The following ADA2 variants were observed in gnomAD, a reference collection of about 807,000 sequenced individuals.
The protein encoded by ADA2 is adenosine deaminase 2, also known as adenosine deaminase CECR1.
In ADA2, 29 loss-of-function variants were observed where a neutral mutation model predicts 44.2. The ratio of observed to expected loss-of-function variants is 0.66; its 90% CI spans 0.49 to 0.89. ADA2 has a LOEUF of 0.89. Ranked by LOEUF, ADA2 falls within the 40% of genes least tolerant of loss-of-function variation. ADA2 has a pLI of 0.00. For missense variants in ADA2, 637 were observed against 644.8 expected, an observed-to-expected ratio of 0.99 and a Z score of 0.13; for synonymous variants, 215 against 234.9, an observed-to-expected ratio of 0.92 and a Z score of 0.77.
chr22:17,206,133 G>A (rs1399335076), intron 3 of ADA2, among the ~76,000 whole-genome samples: 1 of 152,110 alleles, frequency 6.6e-6, no homozygotes, highest in Admixed American at 6.6e-5. Context: ...TGGTTTTATT[G>A]AGCATCAGAC....
chr22:17,197,128 G>A (rs1441410149), intron 4 of ADA2, among the ~76,000 whole-genome samples: 3 of 152,144 alleles, frequency 2.0e-5, no homozygotes, highest in Non-Finnish European at 2.9e-5. Flanking sequence ...AGCCAAGATC[G>A]CACCACTGCA....
chr22:17,182,029 A>C lies in ADA2; in HGVS notation c.1240-7T>G. 1 of 1,608,762 alleles carries C rather than the reference A, an allele frequency of 6.2e-7. No individual in the cohort carries two copies. The highest frequency in any genetic ancestry group is 2.2e-5 in the East Asian group (1 of 44,866). On this transcript the variant is annotated splice_polypyrimidine_tract_variant and splice_region_variant and intron_variant, in intron 8 of 9. Coordinates refer to ENST00000399837, the MANE Select transcript of ADA2 (RefSeq NM_001282225.2). ...CAGACACCAGTTTCAGCACCTGCGC[A>C]ATAGGAGGGAAGGGAGAAAGATGAA...
chr22:17,213,723 C>T (rs766999524), intron 1 of ADA2: 5 of 242,210 alleles, frequency 2.1e-5, no homozygotes, highest in African/African-American at 7.0e-5. Flanking sequence ...GCAGGAGAAG[C>T]GGCAATGGAA....
rs1428271129 is a variant in ADA2, at chr22:17,188,688, G to A, written c.973-241C>T. On this transcript the variant is annotated intron_variant, in intron 6 of 9. Coordinates refer to ENST00000399837, the MANE Select transcript of ADA2 (RefSeq NM_001282225.2). ...AAGTCAGGAGATCGAGACCATCCTG[G>A]CTAACACAGTGAAACCCCATCTCTA... 2.1e-5 allele frequency: 6 copies of A among 290,684 alleles called. No homozygotes were observed. In the East Asian group the frequency reaches 2.1e-4, roughly 10 times the overall value. 18.0% of individuals were successfully genotyped at this position (290,684 alleles called of 1,614,324 possible). A position where few individuals can be genotyped will look rare whatever the true frequency, so the allele number is the denominator to read the frequency against.
chr22:17,218,584 A>G (rs1389622574), intron 1 of ADA2, among the ~76,000 whole-genome samples: 1 of 152,036 alleles, frequency 6.6e-6, no homozygotes. Context: ...CTCCCTGGTG[A>G]CACATAACAA....
rs2061994007 is a variant in ADA2, at chr22:17,183,290, G to A, written c.1082-529C>T. 2.0e-5 allele frequency among the ~76,000 whole-genome samples: 3 copies of A among 151,840 alleles called. No homozygotes were observed. In the South Asian group the frequency reaches 6.2e-4, roughly 31 times the overall value. On this transcript the variant is annotated intron_variant, in intron 7 of 9. Coordinates refer to ENST00000399837, the MANE Select transcript of ADA2 (RefSeq NM_001282225.2). ...AGTAGAGACAGGGTTTCACCATGTT[G>A]GCCAGGATGGTCTTGATTTCTTGAC...
At position 17,180,457 on chromosome 22, in the gene ADA2, C is replaced by G. The variant is rs1139055; in HGVS notation, c.*1026G>C. ...TGAAAATTTCTGCTTTGAGCAACTG[C>G]GTGGAATGGATGGAGGTGTCCTTCA... On this transcript the variant is annotated 3_prime_UTR_variant, in exon 10 of 10. Coordinates refer to ENST00000399837, the MANE Select transcript of ADA2 (RefSeq NM_001282225.2). The G allele has an allele frequency of 0.24, 36,674 of 152,076 alleles. 4,698 individuals carry two copies. Among genetic ancestry groups the G allele is most frequent in the Non-Finnish European group, 0.28 (18,981 of 68,072 alleles). 9.4% of individuals were successfully genotyped at this position (152,076 alleles called of 1,614,324 possible). A position where few individuals can be genotyped will look rare whatever the true frequency, so the allele number is the denominator to read the frequency against.
chr22:17,199,726 A>G (rs1016978674), intron 4 of ADA2: 69 of 1,515,298 alleles, frequency 4.6e-5, no homozygotes, highest in Non-Finnish European at 5.1e-5. Context: ...GCCACCCCTT[A>G]CTACCTATTT....
Position 17,210,684 on chromosome 22 carries a change from G to A in ADA2, c.-46-961C>T, listed in dbSNP as rs192978811. Among the ~76,000 whole-genome samples the A allele has an allele frequency of 1.4e-4, 21 of 151,736 alleles. No individual in the cohort carries two copies. The East Asian group carries it at 1.8e-3, about 13-fold the overall frequency. On this transcript the variant is annotated intron_variant, in intron 1 of 9. Coordinates refer to ENST00000399837, the MANE Select transcript of ADA2 (RefSeq NM_001282225.2). Reference sequence around the variant, plus strand: ...GTGATCTTGGCCCTCTACAACCTCCGCCTCCAGGGTTTAAGCGATTCTCGT... The same window carrying A: ...GTGATCTTGGCCCTCTACAACCTCCACCTCCAGGGTTTAAGCGATTCTCGT...
intron 4 of ADA2, chr22:17,199,551 G>C: frequency 1.2e-6 from 2 of 1,603,426 alleles, no homozygotes; most frequent in Non-Finnish European, 1.7e-6. Context: ...TCCCCTACCA[G>C]AGCCCAGTTC....
At chr22:17,211,921 C>T (rs867643331) in intron 1 of ADA2, among the ~76,000 whole-genome samples, 77 of 150,904 alleles carry the variant, frequency 5.1e-4, no homozygotes, top group South Asian at 4.6e-3. Flanking sequence ...AGTGAGACTC[C>T]GTCTCAAAAA....
At chr22:17,199,431 T>TCTATCCTCTTCCCCTCCCTCCCCTCCA (rs2062242252) in intron 4 of ADA2, 58 of 929,966 alleles carry the variant, frequency 6.2e-5, no homozygotes, top group Middle Eastern at 2.2e-4. Flanking sequence ...CCTCCCCTCC[T>TCTATCCTCTTCCCCTCCCTCCCCTCCA]CTATCCTCTT....
intron 4 of ADA2, among the ~76,000 whole-genome samples, chr22:17,202,126 T>C (rs56892031): frequency 6.9e-4 from 104 of 150,430 alleles, no homozygotes; most frequent in African/African-American, 2.3e-3. Flanking sequence ...CGCACCACCA[T>C]GCCAGCTAAT....
chr22:17,221,767 G>T (rs2123745010), upstream of ADA2: 1 of 151,940 alleles, frequency 6.6e-6, no homozygotes, highest in South Asian at 2.1e-4. Flanking sequence ...AGCCCAGTTA[G>T]ATCCTGGAGG....
At chr22:17,218,501 G>C (rs574467283) in intron 1 of ADA2, among the ~76,000 whole-genome samples, 27 of 152,092 alleles carry the variant, frequency 1.8e-4, no homozygotes, top group Non-Finnish European at 3.2e-4. Context: ...GCAGGAGCAC[G>C]GTGACTTCTA....
chr22:17,211,963 T>TTAAA (rs1481012910), intron 1 of ADA2, among the ~76,000 whole-genome samples: 1 of 152,118 alleles, frequency 6.6e-6, no homozygotes, highest in Admixed American at 6.6e-5. Context: ...AATTAATTAA[T>TTAAA]TAAATAGCAA....
At chr22:17,208,838 A>ATTTTT (rs796662081) in intron 2 of ADA2, among the ~76,000 whole-genome samples, 1 of 142,912 alleles carries the variant, frequency 7.0e-6, no homozygotes, top group African/African-American at 2.6e-5. Flanking sequence ...AAAAATTAAC[A>ATTTTT]TTTTTTGGGG....
At chr22:17,198,757 T>G (rs1048430771) in intron 4 of ADA2, 4 of 152,188 alleles carry the variant, frequency 2.6e-5, no homozygotes, top group African/African-American at 9.7e-5. Flanking sequence ...TGCTAAAGAC[T>G]CAGGGGACCC....
At chr22:17,189,655 C>A (rs867763421) in intron 6 of ADA2, 72 of 368,886 alleles carry the variant, frequency 2.0e-4, no homozygotes, top group African/African-American at 1.4e-3. Flanking sequence ...AACTGTGGTC[C>A]AAACTCCCTG....
Sources: allele counts gnomAD v4.1 joint callset (sites outside exome capture counted in the v4.1 genomes callset), GRCh38; gene constraint gnomAD v4.1.1; transcripts MANE v1.5; gene names NCBI Gene and HGNC (gene_info 2026-07-23, HGNC 2026-07-21).